KDM7A: variants seen among roughly 807,000 people sequenced by gnomAD.
KDM7A encodes lysine-specific demethylase 7A.
Under a neutral mutation model 114.8 loss-of-function variants are expected in KDM7A, and 28 were observed. The ratio of observed to expected loss-of-function variants is 0.24; its 90% CI spans 0.18 to 0.33. The LOEUF (loss-of-function observed/expected upper bound fraction) is 0.33, where lower values mean the gene tolerates loss of function less well. Among genes scored for constraint, KDM7A ranks in the 10% least tolerant of loss-of-function variants. KDM7A has a pLI of 1.00. For missense variants in KDM7A, 942 were observed against 1,142.5 expected, an observed-to-expected ratio of 0.82 and a Z score of 2.53; for synonymous variants, 423 against 397.8, an observed-to-expected ratio of 1.06 and a Z score of -0.75.
intron 1 of KDM7A, among the ~76,000 whole-genome samples, chr7:140,174,238 T>A (rs916733045): frequency 1.3e-5 from 2 of 151,938 alleles, no homozygotes; most frequent in Non-Finnish European, 2.9e-5. Flanking sequence ...CAGGACAATA[T>A]AGCTAAATTT....
At chr7:140,112,678 AAAGTATT>A (rs1208662392) in intron 10 of KDM7A, among the ~76,000 whole-genome samples, 1 of 152,074 alleles carries the variant, frequency 6.6e-6, no homozygotes, top group African/African-American at 2.4e-5. Flanking sequence ...ATCACCTATT[AAAGTATT>A]ATGTGCAAAG....
intron 6 of KDM7A, among the ~76,000 whole-genome samples, chr7:140,125,091 G>A (rs1818678163): frequency 6.6e-6 from 1 of 152,168 alleles, no homozygotes; most frequent in Non-Finnish European, 1.5e-5. Context: ...AAATAGAGAA[G>A]TAAATATGTG....
intron 1 of KDM7A, among the ~76,000 whole-genome samples, chr7:140,165,017 T>A (rs1426856146): frequency 6.6e-6 from 1 of 152,236 alleles, no homozygotes; most frequent in Non-Finnish European, 1.5e-5. Context: ...TGCTTGCTCA[T>A]ATACCCTCAG....
In KDM7A at chr7:140,127,633, C is replaced by T. The variant is rs149462801; in HGVS notation, c.560-50G>A. ...TTATTGGACTTAAGAGTTACATCAG[C>T]AGATGCTCTAATCAAAAAATATTTT... On this transcript the variant is annotated intron_variant, in intron 4 of 19. Transcript: ENST00000397560. 1,298 of 1,456,316 alleles carry T rather than the reference C, an allele frequency of 8.9e-4. 2 individuals are homozygous for T. The highest frequency in any genetic ancestry group is 7.9e-3 in the African/African-American group (564 of 71,312). The allele number at this position is 1,456,316 out of a possible 1,614,324, so 90.2% of individuals were successfully genotyped here. A position where few individuals can be genotyped will look rare whatever the true frequency, so the allele number is the denominator to read the frequency against.
rs932200477 is a variant in KDM7A at position 140,102,244 on chromosome 7, A to C, written c.1429-84T>G. On this transcript the variant is annotated intron_variant, in intron 11 of 19. Coordinates refer to ENST00000397560, the MANE Select transcript of KDM7A (RefSeq NM_030647.2). ...AAATAATCATCCATAAAAATATTTC[A>C]GAAAACAAAAACCATTCAGTTTAAC... 5 of 1,025,236 alleles carry C rather than the reference A, an allele frequency of 4.9e-6. No homozygotes were observed. In the East Asian group the frequency reaches 1.2e-4, roughly 25 times the overall value. The allele number at this position is 1,025,236 out of a possible 1,614,324, so 63.5% of individuals were successfully genotyped here.
At chr7:140,154,698 A>G (rs571267568) in intron 1 of KDM7A, among the ~76,000 whole-genome samples, 38 of 152,132 alleles carry the variant, frequency 2.5e-4, no homozygotes, top group African/African-American at 8.4e-4. Context: ...GGGATCAAGC[A>G]TAAGTGATAA....
chr7:140,123,492 C>G (rs759949127), intron 7 of KDM7A, among the ~76,000 whole-genome samples: 4 of 152,164 alleles, frequency 2.6e-5, no homozygotes, highest in Non-Finnish European at 5.9e-5. Context: ...TACCCCTTAT[C>G]CAAAATGCTT....
intron 6 of KDM7A, among the ~76,000 whole-genome samples, chr7:140,126,376 G>GTT (rs1562953104): frequency 6.6e-6 from 1 of 151,692 alleles, no homozygotes; most frequent in African/African-American, 2.4e-5. Context: ...AGAGACAAAA[G>GTT]CCTAAAAGAA....
At chr7:140,143,294 A>T (rs576349026) in intron 1 of KDM7A, among the ~76,000 whole-genome samples, 12 of 152,248 alleles carry the variant, frequency 7.9e-5, no homozygotes, top group African/African-American at 2.4e-4. Context: ...AAACTATCTT[A>T]AAAAAACAAG....
At chr7:140,100,705 T>TAC (rs1818198168) in intron 12 of KDM7A, among the ~76,000 whole-genome samples, 1 of 38,366 alleles carries the variant, frequency 2.6e-5, no homozygotes, top group Non-Finnish European at 5.9e-5. Flanking sequence ...TATATATATA[T>TAC]ATACACATAT....
chr7:140,104,128 C>G (rs1279962443), intron 11 of KDM7A, among the ~76,000 whole-genome samples: 5 of 152,128 alleles, frequency 3.3e-5, no homozygotes, highest in Non-Finnish European at 7.3e-5. Context: ...AGTGTCTGTT[C>G]CTATCCTTCG....
intron 2 of KDM7A, among the ~76,000 whole-genome samples, chr7:140,137,261 T>C (rs11983076): frequency 2.6e-5 from 4 of 152,022 alleles, no homozygotes; most frequent in Non-Finnish European, 5.9e-5. Flanking sequence ...TACTCAAAGT[T>C]AAGTCGTGAT....
At chr7:140,147,675 G>A (rs576028870) in intron 1 of KDM7A, among the ~76,000 whole-genome samples, 6 of 152,084 alleles carry the variant, frequency 3.9e-5, no homozygotes, top group East Asian at 1.9e-4. Flanking sequence ...AATTAACTCC[G>A]GGAATACAGA....
At chr7:140,114,900 G>A (rs1260402547) in intron 9 of KDM7A, among the ~76,000 whole-genome samples, 5 of 143,798 alleles carry the variant, frequency 3.5e-5, no homozygotes, top group East Asian at 2.1e-4. Context: ...CCCGGAAGCC[G>A]CCCCGTCTGA....
At chr7:140,174,613 T>G (rs973308750) in intron 1 of KDM7A, among the ~76,000 whole-genome samples, 3 of 152,236 alleles carry the variant, frequency 2.0e-5, no homozygotes, top group African/African-American at 7.2e-5. Flanking sequence ...CTTTTTTCTT[T>G]TTTTTTGAGA....
At position 140,127,444 on chromosome 7, in the gene KDM7A, T is replaced by C. The variant is rs748705407; in HGVS notation, c.699A>G (p.Thr233=). 2.4e-5 allele frequency: 39 copies of C among 1,612,614 alleles called. No individual in the cohort carries two copies. Among genetic ancestry groups the C allele is most frequent in the Non-Finnish European group, 3.2e-5 (38 of 1,179,362 alleles). ...CCAAAATACCCAGAACTACTCACTT[T>C]GTATCTGAAAATTCAAGGCTGATCA... The part of the protein sequence containing the change: ...LNVISLEFSD[T]KMSELVEVPD... Residue 233 remains threonine (T), a splice_region_variant and synonymous_variant, in exon 5 of 20, where the codon ACA becomes ACG. Coordinates refer to ENST00000397560, the MANE Select transcript of KDM7A (RefSeq NM_030647.2).
At chr7:140,096,809 T>C (rs1192871232) in intron 16 of KDM7A, 46 bp from the exon 17 acceptor site, 8 of 1,595,368 alleles carry the variant, frequency 5.0e-6, no homozygotes, top group Non-Finnish European at 6.0e-6. Flanking sequence ...TTTTTTCTGA[T>C]GACATTTTTG....
intron 18 of KDM7A, 86 bp downstream of exon 18, chr7:140,093,970 G>T: frequency 1.2e-6 from 1 of 832,780 alleles, no homozygotes; most frequent in Non-Finnish European, 2.1e-6. Context: ...GTTGATAACT[G>T]GTTGTTACAG....
In KDM7A at chr7:140,090,780, AC is replaced by A. The variant is rs1395520911; in HGVS notation, c.*313del. Reference sequence around the variant, plus strand: ...TTAAATAAATTATTGATAATTCTTTACCCTACCACTGAAAATACATCAAGAC... The same window carrying A: ...TTAAATAAATTATTGATAATTCTTTACCTACCACTGAAAATACATCAAGAC... On this transcript the variant is annotated 3_prime_UTR_variant, in exon 20 of 20. Transcript: ENST00000397560. 1.3e-5 allele frequency: 4 copies of A among 302,758 alleles called. No homozygotes were observed. The highest frequency in any genetic ancestry group is 2.4e-5 in the Non-Finnish European group (4 of 166,118). 18.8% of individuals were successfully genotyped at this position (302,758 alleles called of 1,614,324 possible). A position where few individuals can be genotyped will look rare whatever the true frequency, so the allele number is the denominator to read the frequency against.
Sources: allele counts gnomAD v4.1 joint callset (sites outside exome capture counted in the v4.1 genomes callset), GRCh38; gene constraint gnomAD v4.1.1; transcripts MANE v1.5; gene names NCBI Gene and HGNC (gene_info 2026-07-23, HGNC 2026-07-21).